Variants in PTPRG observed in about 807,000 individuals in gnomAD.
PTPRG encodes protein tyrosine phosphatase receptor type G.
A neutral mutation model predicts 165.3 loss-of-function variants in PTPRG; 102 were observed. That is an observed-to-expected ratio of 0.62 (90% CI 0.53 to 0.73). PTPRG has a LOEUF of 0.73. Among genes scored for constraint, PTPRG ranks in the 30% least tolerant of loss-of-function variants. The pLI, the probability that PTPRG is intolerant of heterozygous loss-of-function variation, is 0.00. For missense variants in PTPRG, 1,866 were observed against 1,861.4 expected, an observed-to-expected ratio of 1.00 and a Z score of -0.05; for synonymous variants, 675 against 669.5, an observed-to-expected ratio of 1.01 and a Z score of -0.13.
intron 1 of PTPRG, among the ~76,000 whole-genome samples, chr3:61,708,669 G>C (rs1334123556): frequency 1.3e-5 from 2 of 151,788 alleles, no homozygotes; most frequent in Non-Finnish European, 2.9e-5. Context: ...GTGTTAGCCA[G>C]GATGGTCTCG....
In PTPRG at chr3:62,250,575, C is replaced by T. The variant is rs145321058; in HGVS notation, c.2468-4549C>T. Among the ~76,000 whole-genome samples the T allele has an allele frequency of 9.6e-3, 1,456 of 152,216 alleles. 7 individuals are homozygous for T. Among genetic ancestry groups the T allele is most frequent in the Middle Eastern group, 0.027 (8 of 294 alleles). Reference sequence around the variant, plus strand: ...TAAGATTAAGAGAAAGGAAATTTAGCGTGTATGAGTAGGTTAGAGGCATCA... The same window carrying T: ...TAAGATTAAGAGAAAGGAAATTTAGTGTGTATGAGTAGGTTAGAGGCATCA... On this transcript the variant is annotated intron_variant, in intron 15 of 29. Transcript: ENST00000474889.
chr3:61,886,914 T>C (rs1478316400), intron 2 of PTPRG, among the ~76,000 whole-genome samples: 1 of 145,204 alleles, frequency 6.9e-6, no homozygotes, highest in Non-Finnish European at 1.5e-5. Context: ...GGACTGGACT[T>C]TTTTTTTTTT....
chr3:62,007,209 G>A (rs2041319166), intron 4 of PTPRG, among the ~76,000 whole-genome samples: 2 of 152,160 alleles, frequency 1.3e-5, no homozygotes. Context: ...CAACTTTGTA[G>A]GTTTTGTTGC....
intron 2 of PTPRG, among the ~76,000 whole-genome samples, chr3:61,866,366 G>A (rs892421909): frequency 6.6e-6 from 1 of 152,116 alleles, no homozygotes; most frequent in Admixed American, 6.6e-5. Context: ...CTTACAGAAG[G>A]GCCAGAGGTG....
intron 2 of PTPRG, among the ~76,000 whole-genome samples, chr3:61,878,409 C>A (rs1029287684): frequency 1.3e-5 from 2 of 152,020 alleles, no homozygotes; most frequent in South Asian, 4.1e-4. Context: ...ATGTGAACAC[C>A]AGTGTTTTGT....
intron 1 of PTPRG, among the ~76,000 whole-genome samples, chr3:61,699,232 C>T (rs1160337883): frequency 1.3e-5 from 2 of 151,508 alleles, no homozygotes; most frequent in East Asian, 3.9e-4. Flanking sequence ...GGTGGTATGG[C>T]CGTAGGAAAA....
chr3:61,961,069 A>C (rs2040142711), intron 2 of PTPRG, among the ~76,000 whole-genome samples: 1 of 152,202 alleles, frequency 6.6e-6, no homozygotes, highest in African/African-American at 2.4e-5. Flanking sequence ...AAGGCCAAAC[A>C]GGCAGTAAAG....
chr3:61,629,608 T>C (rs924636574), intron 1 of PTPRG, among the ~76,000 whole-genome samples: 2 of 152,178 alleles, frequency 1.3e-5, no homozygotes, highest in African/African-American at 4.8e-5. Flanking sequence ...GTCTCCACGG[T>C]GTAGTAGAGA....
intron 5 of PTPRG, among the ~76,000 whole-genome samples, chr3:62,089,201 G>C (rs1701850211): frequency 6.6e-6 from 1 of 152,196 alleles, no homozygotes; most frequent in Non-Finnish European, 1.5e-5. Flanking sequence ...TCCCAAAGCA[G>C]ATATCATGTA....
intron 2 of PTPRG, among the ~76,000 whole-genome samples, chr3:61,920,562 A>G (rs1355564983): frequency 1.3e-5 from 2 of 152,012 alleles, no homozygotes; most frequent in African/African-American, 4.8e-5. Flanking sequence ...CCCCCAGCTA[A>G]TTTTTGTATT....
rs574677955 is a variant in PTPRG at position 61,712,130 on chromosome 3, G to A, written c.86-36748G>A. 8.1e-4 allele frequency among the ~76,000 whole-genome samples: 123 copies of A among 152,202 alleles called. 1 individual carries two copies. The highest frequency in any genetic ancestry group is 2.9e-3 in the African/African-American group (122 of 41,534). On this transcript the variant is annotated intron_variant, in intron 1 of 29. Coordinates refer to ENST00000474889, the MANE Select transcript of PTPRG (RefSeq NM_002841.4). ...GCTGGTGTCGAACTCCTGACCTTAG[G>A]TGACCCGCCTGCCTTGGCCTCCCAA...
At chr3:62,171,663 A>G (rs1355745304) in intron 8 of PTPRG, among the ~76,000 whole-genome samples, 2 of 151,816 alleles carry the variant, frequency 1.3e-5, no homozygotes, top group African/African-American at 2.4e-5. Context: ...TTTGGCATGT[A>G]TCAGTAGGTC....
intron 2 of PTPRG, among the ~76,000 whole-genome samples, chr3:61,760,095 T>C (rs1264017044): frequency 6.6e-6 from 1 of 152,224 alleles, no homozygotes; most frequent in Non-Finnish European, 1.5e-5. Context: ...GTAGTACAGC[T>C]GGCTTTCCAA....
At chr3:62,030,637 G>T (rs1699738204) in intron 4 of PTPRG, among the ~76,000 whole-genome samples, 1 of 152,142 alleles carries the variant, frequency 6.6e-6, no homozygotes, top group Non-Finnish European at 1.5e-5. Flanking sequence ...GGGGTGGTGG[G>T]AGAGTCATCA....
At chr3:62,223,925 T>C (rs144889012) in intron 13 of PTPRG, among the ~76,000 whole-genome samples, 70 of 152,360 alleles carry the variant, frequency 4.6e-4, no homozygotes, top group African/African-American at 1.4e-3. Context: ...CTAGAGTTCA[T>C]TCTTTTGAAG....
intron 26 of PTPRG, among the ~76,000 whole-genome samples, chr3:62,278,281 A>AT (rs147877929): frequency 4.0e-5 from 6 of 150,024 alleles, no homozygotes; most frequent in Non-Finnish European, 5.9e-5. Context: ...CTAATAGTGA[A>AT]TTTTTTTTTC....
intron 1 of PTPRG, among the ~76,000 whole-genome samples, chr3:61,691,351 G>A (rs1416917315): frequency 2.0e-5 from 3 of 152,170 alleles, no homozygotes; most frequent in African/African-American, 7.2e-5. Flanking sequence ...AGGCTACAGT[G>A]AGTTGTGATC....
In PTPRG at chr3:61,948,336, A is replaced by G. The variant is rs1426427514; in HGVS notation, c.191-41289A>G. 2.6e-5 allele frequency among the ~76,000 whole-genome samples: 4 copies of G among 152,202 alleles called. No homozygotes were observed. In the East Asian group the frequency reaches 7.7e-4, roughly 29 times the overall value. On this transcript the variant is annotated intron_variant, in intron 2 of 29. Transcript: ENST00000474889. ...GTAAAACTCCGTTTTACAAAAAAAA[A>G]AGAAGGAAACTGTTGACTGCTCATA...
At chr3:61,743,179 A>G in intron 1 of PTPRG, 1 of 782,694 alleles carries the variant, frequency 1.3e-6, no homozygotes. Context: ...TTCGGGCTGG[A>G]AATGAGGTAG....
Sources: allele counts gnomAD v4.1 joint callset (sites outside exome capture counted in the v4.1 genomes callset), GRCh38; gene constraint gnomAD v4.1.1; transcripts MANE v1.5; gene names NCBI Gene and HGNC (gene_info 2026-07-23, HGNC 2026-07-21).